The following MEIG1 variants were observed in gnomAD, a reference collection of about 807,000 sequenced individuals.
The protein encoded by MEIG1 is meiosis expressed gene 1 protein homolog.
Under a neutral mutation model 11.3 loss-of-function variants are expected in MEIG1, and 12 were observed. That is an observed-to-expected ratio of 1.07 (90% CI 0.68 to 1.73). The LOEUF is 1.73. Among genes scored for constraint, MEIG1 ranks in the 40% most tolerant of loss-of-function variants. MEIG1 has a pLI of 0.00. For synonymous variants in MEIG1, 41 were observed against 33.2 expected (o/e 1.24, Z -0.81); for missense variants, 119 against 104.9 (o/e 1.13, Z -0.59).
chr10:14,963,003 C>A (rs1182959465), intron 1 of MEIG1, among the ~76,000 whole-genome samples: 2 of 151,946 alleles, frequency 1.3e-5, no homozygotes, highest in African/African-American at 4.8e-5. Context: ...ACCTCGTGAT[C>A]CACCCACTTC....
intron 1 of MEIG1, among the ~76,000 whole-genome samples, chr10:14,983,378 G>A (rs1329715065): frequency 1.4e-4 from 21 of 151,730 alleles, no homozygotes; most frequent in Admixed American, 2.6e-4. Flanking sequence ...TCGCAATATC[G>A]CAGGCTGTGT....
chr10:14,963,168 C>G (rs1408436751), intron 1 of MEIG1, among the ~76,000 whole-genome samples: 1 of 151,974 alleles, frequency 6.6e-6, no homozygotes, highest in Non-Finnish European at 1.5e-5. Flanking sequence ...ACGATCTTGG[C>G]TCACTGCAAC....
chr10:14,980,624 C>G (rs1381042482), intron 1 of MEIG1, among the ~76,000 whole-genome samples: 1 of 152,138 alleles, frequency 6.6e-6, no homozygotes. Flanking sequence ...ACCCGACTGA[C>G]CTGGGGTGTC....
intron 1 of MEIG1, among the ~76,000 whole-genome samples, chr10:14,978,857 A>G (rs1843237264): frequency 6.6e-6 from 1 of 151,948 alleles, no homozygotes; most frequent in South Asian, 2.1e-4. Flanking sequence ...GTATGTTACA[A>G]CTTATGTCAC....
downstream of MEIG1, among the ~76,000 whole-genome samples, chr10:14,976,568 A>T (rs1297184376): frequency 2.0e-5 from 3 of 152,080 alleles, no homozygotes; most frequent in South Asian, 2.1e-4. Context: ...GTCACTCCTC[A>T]TATCACAGAG....
At chr10:14,965,665 A>G (rs914825550) in intron 1 of MEIG1, among the ~76,000 whole-genome samples, 1 of 148,492 alleles carries the variant, frequency 6.7e-6, no homozygotes, top group African/African-American at 2.5e-5. Flanking sequence ...CGGGTCTTAC[A>G]TTCCCTTTTT....
intron 1 of MEIG1, among the ~76,000 whole-genome samples, chr10:14,985,937 TATCCAGGG>T (rs1431765577): frequency 1.3e-5 from 2 of 152,068 alleles, no homozygotes; most frequent in Non-Finnish European, 1.5e-5. Context: ...TTAGTCTTAA[TATCCAGGG>T]TAAATATTAC....
At chr10:14,969,971 A>G (rs1240878330) in intron 2 of MEIG1, among the ~76,000 whole-genome samples, 1 of 152,244 alleles carries the variant, frequency 6.6e-6, no homozygotes, top group Non-Finnish European at 1.5e-5. Flanking sequence ...TCCTTAACAA[A>G]AAGAAGCACA....
upstream of MEIG1, among the ~76,000 whole-genome samples, chr10:14,956,400 GA>G (rs1296113451): frequency 6.9e-6 from 1 of 145,732 alleles, no homozygotes; most frequent in East Asian, 2.0e-4. Context: ...CCAACATGGG[GA>G]AACCCCGTCT....
At chr10:14,982,889 A>G (rs187085602) in intron 1 of MEIG1, among the ~76,000 whole-genome samples, 119 of 152,250 alleles carry the variant, frequency 7.8e-4, no homozygotes, top group African/African-American at 2.6e-3. Flanking sequence ...TGGTATTAAT[A>G]AGTGATATTG....
chr10:14,971,983 T>C (rs1843156152), intron 2 of MEIG1, among the ~76,000 whole-genome samples: 1 of 151,770 alleles, frequency 6.6e-6, no homozygotes, highest in Non-Finnish European at 1.5e-5. Context: ...AACCTAGAAA[T>C]TGGGCTCTAG....
upstream of MEIG1, among the ~76,000 whole-genome samples, chr10:14,955,134 G>C (rs1447543449): frequency 1.3e-5 from 2 of 152,012 alleles, no homozygotes; most frequent in East Asian, 3.9e-4. Context: ...GTTTCACCAC[G>C]TTGACCAGGC....
At chr10:14,976,206 T>G (rs1843208175), downstream of MEIG1, among the ~76,000 whole-genome samples, 1 of 152,192 alleles carries the variant, frequency 6.6e-6, no homozygotes, top group African/African-American at 2.4e-5. Flanking sequence ...CCCTGGGACA[T>G]TATTTTCCAT....
chr10:14,971,766 G>T (rs1029459786), intron 2 of MEIG1, among the ~76,000 whole-genome samples: 6 of 152,168 alleles, frequency 3.9e-5, no homozygotes, highest in African/African-American at 1.4e-4. Context: ...TAAGAGAAAT[G>T]AAGTTTAGAT....
intron 1 of MEIG1, among the ~76,000 whole-genome samples, chr10:14,979,378 G>T (rs1843241840): frequency 6.6e-6 from 1 of 151,938 alleles, no homozygotes; most frequent in Non-Finnish European, 1.5e-5. Context: ...ATTCCAGGGG[G>T]ATGTTACTCC....
chr10:14,968,554 C>T (rs4748116), intron 2 of MEIG1, among the ~76,000 whole-genome samples: 80,491 of 151,640 alleles, frequency 0.53, 22,840 homozygotes, highest in Non-Finnish European at 0.64. Flanking sequence ...GGAGGCAATA[C>T]GGAACTATCA....
At chr10:14,985,259 G>A (rs371281207) in intron 1 of MEIG1, among the ~76,000 whole-genome samples, 41 of 152,030 alleles carry the variant, frequency 2.7e-4, no homozygotes, top group East Asian at 7.7e-4. Context: ...ATGGTCACGG[G>A]GGTATACACC....
chr10:14,955,892 C>T (rs551865476), upstream of MEIG1, among the ~76,000 whole-genome samples: 2 of 152,148 alleles, frequency 1.3e-5, no homozygotes, highest in African/African-American at 2.4e-5. Context: ...ACTGGCAACA[C>T]CTTTGATGGT....
intron 1 of MEIG1, among the ~76,000 whole-genome samples, chr10:14,984,616 T>C (rs1413026327): frequency 6.6e-6 from 1 of 152,074 alleles, no homozygotes; most frequent in Non-Finnish European, 1.5e-5. Context: ...TCACCTCTTA[T>C]GTCACAGGGT....
Sources: allele counts gnomAD v4.1 joint callset (sites outside exome capture counted in the v4.1 genomes callset), GRCh38; gene constraint gnomAD v4.1.1; transcripts MANE v1.5; gene names NCBI Gene and HGNC (gene_info 2026-07-23, HGNC 2026-07-21).